Variants in MRPL24 observed in about 807,000 individuals in gnomAD.
The protein encoded by MRPL24 is large ribosomal subunit protein uL24m.
A neutral mutation model predicts 26.9 loss-of-function variants in MRPL24; 15 were observed. The ratio of observed to expected loss-of-function variants is 0.56; its 90% CI spans 0.37 to 0.86. The LOEUF is 0.86. MRPL24 is among the 40% of genes least tolerant of loss of function. MRPL24 has a pLI of 0.00. For synonymous variants in MRPL24, 92 were observed against 102.4 expected, an observed-to-expected ratio of 0.90 and a Z score of 0.62; for missense variants, 241 against 281.4, an observed-to-expected ratio of 0.86 and a Z score of 1.03.
chr1:156,738,222 T>A, intron 3 of MRPL24, 88 bp from the exon 4 acceptor site: 1 of 1,545,622 alleles, frequency 6.5e-7, no homozygotes, highest in Non-Finnish European at 8.9e-7. Context: ...AGTTGAAAAG[T>A]AGAAGGTTCA....
At chr1:156,737,805 T>C in intron 4 of MRPL24, 29 bp from the exon 5 acceptor site, 1 of 1,610,372 alleles carries the variant, frequency 6.2e-7, no homozygotes, top group Non-Finnish European at 8.5e-7. Context: ...GAGCCTGGCC[T>C]ACGAGCCAGG....
chr1:156,739,700 C>T (rs530860045), intron 1 of MRPL24, among the ~76,000 whole-genome samples: 104 of 148,728 alleles, frequency 7.0e-4, no homozygotes, highest in Middle Eastern at 3.4e-3. Flanking sequence ...CTTGTTCTGT[C>T]GCCCAGGCTG....
intron 5 of MRPL24, 52 bp downstream of exon 5, chr1:156,737,594 C>T (rs1294936659): frequency 6.2e-7 from 1 of 1,610,024 alleles, no homozygotes; most frequent in Non-Finnish European, 8.5e-7. Flanking sequence ...ATTAATGTCC[C>T]CTACTCTCAC....
In MRPL24 at chr1:156,738,713, G is replaced by A. The variant is rs780916771; in HGVS notation, c.-9C>T. 6.4e-7 allele frequency: 1 copy of A among 1,569,288 alleles called. No homozygotes were observed. Among genetic ancestry groups the A allele is most frequent in the Non-Finnish European group, 8.6e-7 (1 of 1,163,454 alleles). On this transcript the variant is annotated 5_prime_UTR_variant, in exon 2 of 6. Coordinates refer to ENST00000361531, the MANE Select transcript of MRPL24 (RefSeq NM_145729.3). ...AGGGCAGAAAGACGCATGCCTGGAG[G>A]TTGTAAGAAATCCCTTTGCCAGCAA...
At chr1:156,737,873 C>G in intron 4 of MRPL24, 97 bp from the exon 5 acceptor site, 1 of 1,530,670 alleles carries the variant, frequency 6.5e-7, no homozygotes, top group Non-Finnish European at 8.9e-7. Flanking sequence ...GGGTTACCAC[C>G]GCGTTTCTCC....
rs779004716 is a variant in MRPL24, at chr1:156,738,450, T to TA, written c.184-13dup. 1.4e-5 allele frequency: 23 copies of TA among 1,613,754 alleles called. No homozygotes were observed. Among genetic ancestry groups the TA allele is most frequent in the African/African-American group, 4.0e-5 (3 of 74,924 alleles). ...TCTAGGATCTCCACCTGTGGGAAGA[T>TA]ACGAAGGTTAGGGAGGGGGATCCTT... is the stretch of plus-strand genomic sequence containing the variant. On this transcript the variant is annotated splice_polypyrimidine_tract_variant and intron_variant, in intron 2 of 5. Coordinates refer to ENST00000361531, the MANE Select transcript of MRPL24 (RefSeq NM_145729.3).
At chr1:156,737,890 G>A in intron 4 of MRPL24, 114 bp from the exon 5 acceptor site, 1 of 1,492,654 alleles carries the variant, frequency 6.7e-7, no homozygotes, top group African/African-American at 1.4e-5. Flanking sequence ...CTCCACCTCT[G>A]TGTTGGGGTT....
intron 4 of MRPL24, 127 bp from the exon 5 acceptor site, chr1:156,737,903 C>T: frequency 2.1e-6 from 3 of 1,462,776 alleles, no homozygotes; most frequent in Non-Finnish European, 2.8e-6. Flanking sequence ...TTGGGGTTAC[C>T]CGCAGGGAAT....
At chr1:156,738,158 G>A in intron 3 of MRPL24, 24 bp from the exon 4 acceptor site, 1 of 1,611,486 alleles carries the variant, frequency 6.2e-7, no homozygotes, top group Non-Finnish European at 8.5e-7. Flanking sequence ...GGGAGTGTCA[G>A]AAAGCACGGG....
chr1:156,739,748 G>C (rs1650016229), intron 1 of MRPL24, among the ~76,000 whole-genome samples: 1 of 150,686 alleles, frequency 6.6e-6, no homozygotes, highest in Non-Finnish European at 1.5e-5. Context: ...CACGACCTCT[G>C]CGTCTTGGGT....
chr1:156,738,779 AG>A lies in MRPL24; in HGVS notation c.-60-16del. The A allele has an allele frequency of 7.1e-7, 1 of 1,412,272 alleles. No individual in the cohort carries two copies. The highest frequency in any genetic ancestry group is 9.6e-7 in the Non-Finnish European group (1 of 1,043,032). The allele number at this position is 1,412,272 out of a possible 1,614,324, so 87.5% of individuals were successfully genotyped here. ...CCTTGTCAGCTCTGGGCAGATGGAT[AG>A]AAACGGGAACAAAGAGGCAAGGGAA... On this transcript the variant is annotated splice_polypyrimidine_tract_variant and intron_variant, in intron 1 of 5. Transcript: ENST00000361531.
chr1:156,740,839 G>C (rs1030737463), intron 1 of MRPL24, 173 bp downstream of exon 1: 3 of 152,322 alleles, frequency 2.0e-5, no homozygotes, highest in African/African-American at 7.2e-5. Context: ...TAGTGGGGTC[G>C]AAGGTCTGCC....
chr1:156,740,405 G>C (rs1230379611), intron 1 of MRPL24: 1 of 152,078 alleles, frequency 6.6e-6, no homozygotes, highest in Non-Finnish European at 1.5e-5. Context: ...ATGCTGACTG[G>C]CCTAAGTGTT....
chr1:156,738,658 G>C lies in MRPL24; in HGVS notation c.47C>G (p.Pro16Arg), dbSNP rs113744947. Residue 16 changes from proline to arginine, a missense_variant, in exon 2 of 6, where the codon CCC becomes CGC. Physicochemically the swap from Pro to Arg is moderately radical, Grantham distance 103 (BLOSUM62 -2). Coordinates refer to ENST00000361531, the MANE Select transcript of MRPL24 (RefSeq NM_145729.3). The stretch of plus-strand genomic sequence containing the variant: ...GCTCATCCCATAGCGGTAATGGGGG[G>C]GCAGAGTGACCTTGGATGCCAAGGC... The part of the protein sequence containing the change: ...LLALASKVTL[P>R]PHYRYGMSPP... 3.6e-5 allele frequency: 57 copies of C among 1,598,084 alleles called. No homozygotes were observed. The highest frequency in any genetic ancestry group is 4.8e-5 in the Non-Finnish European group (56 of 1,175,646).
intron 1 of MRPL24, 23 bp from the exon 2 acceptor site, chr1:156,738,787 G>T: frequency 7.5e-7 from 1 of 1,331,544 alleles, no homozygotes; most frequent in Non-Finnish European, 1.0e-6. Context: ...ATAGAAACGG[G>T]AACAAAGAGG....
At chr1:156,741,882 CTTTCCCA>C (rs529475671), upstream of MRPL24, among the ~76,000 whole-genome samples, 729 of 152,274 alleles carry the variant, frequency 4.8e-3, 6 homozygotes, top group African/African-American at 0.017. Flanking sequence ...TTAAAAAAAA[CTTTCCCA>C]GGTGCGTTAA....
Position 156,737,331 on chromosome 1 carries a change from TG to T in MRPL24, c.*66del. On this transcript the variant is annotated 3_prime_UTR_variant, in exon 6 of 6. Transcript: ENST00000361531. ...TCATAAAGTGCTCTTTATTGGCATC[TG>T]AAAAAGAAGTGCCTCAGCCTTCAAG... The T allele has an allele frequency of 6.6e-7, 1 of 1,510,062 alleles. No individual in the cohort carries two copies. Among genetic ancestry groups the T allele is most frequent in the East Asian group, 2.3e-5 (1 of 43,906 alleles). 93.5% of individuals were successfully genotyped at this position (1,510,062 alleles called of 1,614,324 possible).
At chr1:156,742,106 ATATAG>A, upstream of MRPL24, 1 of 152,682 alleles carries the variant, frequency 6.5e-6, no homozygotes, top group East Asian at 1.9e-4. Flanking sequence ...TCAGAATCCA[ATATAG>A]TAATCAACGG....
In MRPL24 at chr1:156,737,396, G is replaced by C; in HGVS notation, c.*2C>G. The C allele has an allele frequency of 3.2e-6, 5 of 1,570,142 alleles. No individual in the cohort carries two copies. The highest frequency in any genetic ancestry group is 4.3e-6 in the Non-Finnish European group (5 of 1,163,212). On this transcript the variant is annotated 3_prime_UTR_variant, in exon 6 of 6. Transcript: ENST00000361531. ...TTGGGGAGGAGCTGCTCTGCCCCAG[G>C]CTCAATACCAATAGACCTTCTTGTA...
Sources: allele counts gnomAD v4.1 joint callset (sites outside exome capture counted in the v4.1 genomes callset), GRCh38; gene constraint gnomAD v4.1.1; transcripts MANE v1.5; gene names NCBI Gene and HGNC (gene_info 2026-07-23, HGNC 2026-07-21).